Variants in ZNHIT2 observed in about 807,000 individuals in gnomAD.
The protein encoded by ZNHIT2 is zinc finger HIT domain-containing protein 2.
ZNHIT2 carries 16 observed loss-of-function variants against 18.0 expected under a neutral mutation model. That is an observed-to-expected ratio of 0.89 (90% CI 0.60 to 1.35). ZNHIT2 has a LOEUF of 1.35. Ranked by LOEUF, ZNHIT2 falls within the 40% of genes most tolerant of loss-of-function variation. The pLI is 0.00. For missense variants in ZNHIT2, 631 were observed against 566.4 expected, an observed-to-expected ratio of 1.11 and a Z score of -1.16; for synonymous variants, 336 against 269.8, an observed-to-expected ratio of 1.25 and a Z score of -2.41.
In ZNHIT2 at chr11:65,116,454, C is replaced by T; in HGVS notation, c.1200G>A (p.Glu400=). ...CAGGGTAACCCGTTCAGCTAGGGAG[C>T]TCCTCAATGAGAGTTCTTGGGGCAG... ...VPPAPRTLIE[E]LPS is the part of the protein sequence containing the mutation. The change falls in exon 1 of 1, where the codon GAG becomes GAA. Residue 400 remains glutamate (E), a synonymous_variant. Coordinates refer to ENST00000310597, the MANE Select transcript of ZNHIT2 (RefSeq NM_014205.4). The T allele has an allele frequency of 6.6e-7, 1 of 1,512,314 alleles. No homozygotes were observed. Among genetic ancestry groups the T allele is most frequent in the South Asian group, 1.3e-5 (1 of 75,086 alleles). 93.7% of individuals were successfully genotyped at this position (1,512,314 alleles called of 1,614,324 possible). A position where few individuals can be genotyped will look rare whatever the true frequency, so the allele number is the denominator to read the frequency against.
rs771199689 is a variant in ZNHIT2, at chr11:65,116,950, G to C, written c.704C>G (p.Ala235Gly). The change falls in exon 1 of 1, where the codon GCG becomes GGG. Residue 235 changes from alanine (A) to glycine (G), a missense_variant. Physicochemically the swap from Ala to Gly is moderately conservative, Grantham distance 60. Coordinates refer to ENST00000310597, the MANE Select transcript of ZNHIT2 (RefSeq NM_014205.4). ...TLALYHGGDD[A>G]LLSDFCATLL... is the part of the protein sequence containing the mutation. ...TGTGGCACAGAAGTCAGAGAGCAGC[G>C]CGTCGTCACCGCCGTGATACAGGGC... 2.5e-6 allele frequency: 4 copies of C among 1,597,978 alleles called. No individual in the cohort carries two copies. Among genetic ancestry groups the C allele is most frequent in the Non-Finnish European group, 2.5e-6 (3 of 1,176,524 alleles).
In ZNHIT2 at chr11:65,117,411, A is replaced by G. The variant is rs777298055; in HGVS notation, c.243T>C (p.Pro81=). The change falls in exon 1 of 1, where the codon CCT becomes CCC. Residue 81 remains proline (P), a synonymous_variant. Coordinates refer to ENST00000310597, the MANE Select transcript of ZNHIT2 (RefSeq NM_014205.4). The part of the protein sequence containing the change: ...LRQQRETEDE[P]GEAGLSSGPA... ...GGCCGGAGCTGAGGCCTGCTTCCCC[A>G]GGCTCGTCCTCGGTCTCGCGTTGCT... is the stretch of plus-strand genomic sequence containing the variant. 1.3e-5 allele frequency: 20 copies of G among 1,494,756 alleles called. No homozygotes were observed. In the Middle Eastern group the frequency reaches 7.0e-4, roughly 52 times the overall value. 92.6% of individuals were successfully genotyped at this position (1,494,756 alleles called of 1,614,324 possible).
Position 65,117,440 on chromosome 11 carries a change from G to T in ZNHIT2, c.214C>A (p.Arg72Ser). ...SRLASALRRL[R>S]QQRETEDEPG... ...TCGTCCTCGGTCTCGCGTTGCTGAC[G>T]CAGCCGGCGTAGGGCGCTTGCTAGG... The change falls in exon 1 of 1, where the codon CGT (arginine) becomes AGT (serine). Residue 72 changes from arginine (R) to serine (S), a missense_variant. Coordinates refer to ENST00000310597, the MANE Select transcript of ZNHIT2 (RefSeq NM_014205.4). 1 of 1,508,482 alleles carries T rather than the reference G, an allele frequency of 6.6e-7. No homozygotes were observed. The allele number at this position is 1,508,482 out of a possible 1,614,324, so 93.4% of individuals were successfully genotyped here.
chr11:65,116,835 T>C lies in ZNHIT2; in HGVS notation c.819A>G (p.Ala273=), dbSNP rs1947994076. The change falls in exon 1 of 1, where the codon GCA becomes GCG. Residue 273 remains alanine, a synonymous_variant. Transcript: ENST00000310597. ...ALQAAAHVLE[A]GEHPPGPLGT... ...CCAGGGGCCCCGGCGGGTGCTCGCC[T>C]GCTTCCAGCACGTGGGCTGCCGCCT... 2 of 1,608,040 alleles carry C rather than the reference T, an allele frequency of 1.2e-6. No homozygotes were observed. The highest frequency in any genetic ancestry group is 1.7e-5 in the Admixed American group (1 of 59,900).
Position 65,117,044 on chromosome 11 carries a change from G to A in ZNHIT2, c.610C>T (p.Arg204Cys). The change falls in exon 1 of 1, where the codon CGC (arginine) becomes TGC (cysteine). Residue 204 changes from arginine to cysteine, a missense_variant. Physicochemically the swap from Arg to Cys is radical, Grantham distance 180. Transcript: ENST00000310597. ...TRIPAIVSLSRGPVSPLVRFQ... is the reference protein window; with the variant it reads ...TRIPAIVSLSCGPVSPLVRFQ... ...CGCACGAGCGGCGAGACTGGGCCGC[G>A]GCTCAGGCTGACTATCGCGGGGATG... 1.3e-6 allele frequency: 2 copies of A among 1,594,340 alleles called. No individual in the cohort carries two copies. The highest frequency in any genetic ancestry group is 1.3e-5 in the African/African-American group (1 of 74,710).
Position 65,117,682 on chromosome 11 carries a change from A to G in ZNHIT2, c.-29T>C. The G allele has an allele frequency of 7.4e-7, 1 of 1,358,910 alleles. No individual in the cohort carries two copies. The highest frequency in any genetic ancestry group is 3.0e-5 in the East Asian group (1 of 33,392). 84.2% of individuals were successfully genotyped at this position (1,358,910 alleles called of 1,614,324 possible). A position where few individuals can be genotyped will look rare whatever the true frequency, so the allele number is the denominator to read the frequency against. ...AACTGGCACCGCGATCTACCTGCGA[A>G]CGCACGCCGGTGGTAGTTCGAAACT... On this transcript the variant is annotated 5_prime_UTR_variant, in exon 1 of 1. Coordinates refer to ENST00000310597, the MANE Select transcript of ZNHIT2 (RefSeq NM_014205.4).
At position 65,116,530 on chromosome 11, in the gene ZNHIT2, ACCT is replaced by A. The variant is rs1285693598; in HGVS notation, c.1121_1123del (p.Glu374del). The A allele has an allele frequency of 9.7e-6, 15 of 1,542,348 alleles. No individual in the cohort carries two copies. In the Admixed American group the frequency reaches 2.7e-4, roughly 28 times the overall value. Reference sequence around the variant, plus strand: ...CTCCAGCTCCCCAGTGAGGGCGGCCACCTCCTCGGCTACCACAGCATGGGCTTG... The same window carrying A: ...CTCCAGCTCCCCAGTGAGGGCGGCCACCTCGGCTACCACAGCATGGGCTTG... On this transcript the variant is annotated inframe_deletion, in exon 1 of 1. Coordinates refer to ENST00000310597, the MANE Select transcript of ZNHIT2 (RefSeq NM_014205.4).
In ZNHIT2 at chr11:65,116,758, G is replaced by A. The variant is rs376136724; in HGVS notation, c.896C>T (p.Pro299Leu). The A allele has an allele frequency of 2.8e-5, 45 of 1,609,394 alleles. No individual in the cohort carries two copies. The highest frequency in any genetic ancestry group is 8.9e-5 in the East Asian group (4 of 44,744). The change falls in exon 1 of 1, where the codon CCG (proline) becomes CTG (leucine). Residue 299 changes from proline (P) to leucine (L), a missense_variant. Physicochemically the swap from Pro to Leu is moderately conservative, Grantham distance 98 (BLOSUM62 -3). Coordinates refer to ENST00000310597, the MANE Select transcript of ZNHIT2 (RefSeq NM_014205.4). ...CAGCGTGTAGCCTTTCTGGTTGGTCGGGCCCTCGCCCAGCAGGATGCGGGC... is the reference window on the plus strand; with the variant it reads ...CAGCGTGTAGCCTTTCTGGTTGGTCAGGCCCTCGCCCAGCAGGATGCGGGC... ...EVARILLGEG[P>L]TNQKGYTLAA...
rs755314376 is a variant in ZNHIT2 at position 65,116,985 on chromosome 11, C to G, written c.669G>C (p.Ala223=). The G allele has an allele frequency of 6.2e-7, 1 of 1,601,616 alleles. No individual in the cohort carries two copies. Among genetic ancestry groups the G allele is most frequent in the Non-Finnish European group, 8.5e-7 (1 of 1,177,506 alleles). The change falls in exon 1 of 1, where the codon GCG becomes GCC. Residue 223 remains alanine, a synonymous_variant. Transcript: ENST00000310597. Reference sequence around the variant, plus strand: ...CGCCGTGATACAGGGCGAGAGTATGCGCGTAGGCGAACAGCACATTGGGCA... The same window carrying G: ...CGCCGTGATACAGGGCGAGAGTATGGGCGTAGGCGAACAGCACATTGGGCA... ...FQLPNVLFAY[A]HTLALYHGGD... is the part of the protein sequence containing the mutation.
In ZNHIT2 at chr11:65,116,521, A is replaced by G; in HGVS notation, c.1133T>C (p.Leu378Pro). 6.5e-7 allele frequency: 1 copy of G among 1,534,608 alleles called. No homozygotes were observed. Among genetic ancestry groups the G allele is most frequent in the Non-Finnish European group, 8.8e-7 (1 of 1,137,308 alleles). ...HAVVAEEVAALTGELERLWGG... is the reference protein window; with the variant it reads ...HAVVAEEVAAPTGELERLWGG... Reference sequence around the variant, plus strand: ...CCAAAGCCGCTCCAGCTCCCCAGTGAGGGCGGCCACCTCCTCGGCTACCAC... The same window carrying G: ...CCAAAGCCGCTCCAGCTCCCCAGTGGGGGCGGCCACCTCCTCGGCTACCAC... The change falls in exon 1 of 1, where the codon CTC (leucine) becomes CCC (proline). Residue 378 changes from leucine to proline, a missense_variant. By Grantham distance (98) the Leu-to-Pro change is moderately conservative (BLOSUM62 -3). Coordinates refer to ENST00000310597, the MANE Select transcript of ZNHIT2 (RefSeq NM_014205.4).
rs1267512195 is a variant in ZNHIT2, at chr11:65,117,165, C to A, written c.489G>T (p.Pro163=). The change falls in exon 1 of 1, where the codon CCG becomes CCT. Residue 163 remains proline, a synonymous_variant. Coordinates refer to ENST00000310597, the MANE Select transcript of ZNHIT2 (RefSeq NM_014205.4). ...ELELAPARTP[P]DSVKDASAAE... ...CGGCGGAGGCATCTTTCACAGAATC[C>A]GGCGGGGTCCTCGCAGGGGCGAGCT... The A allele has an allele frequency of 8.9e-6, 14 of 1,567,608 alleles. No individual in the cohort carries two copies. Among genetic ancestry groups the A allele is most frequent in the Non-Finnish European group, 1.2e-5 (14 of 1,161,854 alleles).
chr11:65,117,296 C>T lies in ZNHIT2; in HGVS notation c.358G>A (p.Gly120Arg). The T allele has an allele frequency of 6.7e-7, 1 of 1,486,266 alleles. No individual in the cohort carries two copies. Among genetic ancestry groups the T allele is most frequent in the Non-Finnish European group, 8.9e-7 (1 of 1,129,356 alleles). The allele number at this position is 1,486,266 out of a possible 1,614,324, so 92.1% of individuals were successfully genotyped here. A position where few individuals can be genotyped will look rare whatever the true frequency, so the allele number is the denominator to read the frequency against. Reference sequence around the variant, plus strand: ...GGCCGCCATGGAGGCAGCAGCCGCCCGGCCTCACCGCGGCTCAGCAGCCGC... The same window carrying T: ...GGCCGCCATGGAGGCAGCAGCCGCCTGGCCTCACCGCGGCTCAGCAGCCGC... ...FERLLSRGEAGRLLPPWRPWW... is the reference protein window; with the variant it reads ...FERLLSRGEARRLLPPWRPWW... Residue 120 changes from glycine to arginine, a missense_variant, in exon 1 of 1, where the codon GGG becomes AGG. Gly to Arg is a moderately radical substitution (Grantham distance 125, BLOSUM62 -2). Coordinates refer to ENST00000310597, the MANE Select transcript of ZNHIT2 (RefSeq NM_014205.4).
In ZNHIT2 at chr11:65,116,937, G is replaced by C. The variant is rs755506605; in HGVS notation, c.717C>G (p.Asp239Glu). ...YHGGDDALLS[D>E]FCATLLGVSG... ...AAACGCCGAGCAGTGTGGCACAGAA[G>C]TCAGAGAGCAGCGCGTCGTCACCGC... Residue 239 changes from aspartate to glutamate, a missense_variant, in exon 1 of 1, where the codon GAC becomes GAG. By Grantham distance (45) the Asp-to-Glu change is conservative. Coordinates refer to ENST00000310597, the MANE Select transcript of ZNHIT2 (RefSeq NM_014205.4). 2.5e-6 allele frequency: 4 copies of C among 1,597,678 alleles called. No individual in the cohort carries two copies. In the South Asian group the frequency reaches 4.4e-5, roughly 18 times the overall value.
rs537760067 is a variant in ZNHIT2 at position 65,116,888 on chromosome 11, C to T, written c.766G>A (p.Val256Ile). ...AGGGCTTCTTCCGCAGAGGCGAAGA[C>T]TTGCTGGGCACCCAGGGCTCCGGAA... ...GVSGALGAQQVFASAEEALQA... is the reference protein window; with the variant it reads ...GVSGALGAQQIFASAEEALQA... Residue 256 changes from valine to isoleucine, a missense_variant, in exon 1 of 1, where the codon GTC becomes ATC. Transcript: ENST00000310597. 10 of 1,600,462 alleles carry T rather than the reference C, an allele frequency of 6.2e-6. No individual in the cohort carries two copies. The highest frequency in any genetic ancestry group is 8.5e-6 in the Non-Finnish European group (10 of 1,177,720).
In ZNHIT2 at chr11:65,117,189, C is replaced by G. The variant is rs775094396; in HGVS notation, c.465G>C (p.Glu155Asp). 1 of 1,548,396 alleles carries G rather than the reference C, an allele frequency of 6.5e-7. No homozygotes were observed. The highest frequency in any genetic ancestry group is 1.2e-5 in the South Asian group (1 of 83,684). ...CCGGCGGGGTCCTCGCAGGGGCGAG[C>G]TCCAGCTCCGCGGCGTCACTACCCG... Reference protein sequence around the residue: ...NAPGSDAAELELAPARTPPDS... With the variant: ...NAPGSDAAELDLAPARTPPDS... Residue 155 changes from glutamate to aspartate, a missense_variant, in exon 1 of 1, where the codon GAG becomes GAC. Glu to Asp is a conservative substitution (Grantham distance 45, BLOSUM62 2). Transcript: ENST00000310597.
Position 65,116,440 on chromosome 11 carries a change from G to A in ZNHIT2, c.*2C>T, listed in dbSNP as rs763863810. 6 of 1,511,392 alleles carry A rather than the reference G, an allele frequency of 4.0e-6. 1 individual carries two copies. The highest frequency in any genetic ancestry group is 3.6e-4 in the Middle Eastern group (2 of 5,566). 93.6% of individuals were successfully genotyped at this position (1,511,392 alleles called of 1,614,324 possible). On this transcript the variant is annotated 3_prime_UTR_variant, in exon 1 of 1. Transcript: ENST00000310597. ...GCTTTATTAATGACCAGGGTAACCC[G>A]TTCAGCTAGGGAGCTCCTCAATGAG...
rs1046590432 is a variant in ZNHIT2 at position 65,117,468 on chromosome 11, G to C, written c.186C>G (p.Ser62Arg). The change falls in exon 1 of 1, where the codon AGC (serine) becomes AGG (arginine). Residue 62 changes from serine (S) to arginine (R), a missense_variant. Transcript: ENST00000310597. ...GCCGGCGTAGGGCGCTTGCTAGGCG[G>C]CTGGGAGGAGCGCTGCAACCGCGGA... ...GELRGCSAPP[S>R]RLASALRRLR... is the part of the protein sequence containing the mutation. 1 of 1,551,530 alleles carries C rather than the reference G, an allele frequency of 6.4e-7. No individual in the cohort carries two copies. Among genetic ancestry groups the C allele is most frequent in the South Asian group, 1.2e-5 (1 of 84,794 alleles).
rs773299915 is a variant in ZNHIT2 at position 65,117,111 on chromosome 11, A to C, written c.543T>G (p.Leu181=). 6.3e-7 allele frequency: 1 copy of C among 1,584,450 alleles called. No individual in the cohort carries two copies. The highest frequency in any genetic ancestry group is 1.8e-5 in the Admixed American group (1 of 56,768). Residue 181 remains leucine, a synonymous_variant, in exon 1 of 1, where the codon CTT becomes CTG. Coordinates refer to ENST00000310597, the MANE Select transcript of ZNHIT2 (RefSeq NM_014205.4). ...GCGTGCAGGCCCCCGGGACATCTCC[A>C]AGAACCCGCTCGGCGGCCGCGGGCT... ...AAEPAAAERV[L]GDVPGACTPV... is the part of the protein sequence containing the mutation.
In ZNHIT2 at chr11:65,117,655, G is replaced by A. The variant is rs1429626091; in HGVS notation, c.-2C>T. On this transcript the variant is annotated 5_prime_UTR_variant, in exon 1 of 1. Transcript: ENST00000310597. ...GCCACAGGGCCCGGCCGGCTCCATG[G>A]CAACTGGCACCGCGATCTACCTGCG... 2.9e-6 allele frequency: 4 copies of A among 1,388,334 alleles called. No individual in the cohort carries two copies. The highest frequency in any genetic ancestry group is 3.7e-6 in the Non-Finnish European group (4 of 1,073,306). 86.0% of individuals were successfully genotyped at this position (1,388,334 alleles called of 1,614,324 possible). A position where few individuals can be genotyped will look rare whatever the true frequency, so the allele number is the denominator to read the frequency against.
Sources: gnomAD v4.1 joint callset for allele counts on GRCh38, gnomAD v4.1.1 for gene constraint, MANE v1.5 for transcripts, NCBI Gene and HGNC (gene_info 2026-07-23, HGNC 2026-07-21) for gene names.